SEMA3D: variants seen among roughly 807,000 people sequenced by gnomAD.
SEMA3D encodes semaphorin-3D.
SEMA3D carries 84 observed loss-of-function variants against 100.1 expected under a neutral mutation model. The ratio of observed to expected loss-of-function variants is 0.84; its 90% CI spans 0.70 to 1.01. The LOEUF is 1.01. Ranked by LOEUF, SEMA3D falls within the 50% of genes least tolerant of loss-of-function variation. The pLI is 0.00. For missense variants in SEMA3D, 875 were observed against 934.1 expected (o/e 0.94, Z 0.82); for synonymous variants, 312 against 320.7 (o/e 0.97, Z 0.29).
At chr7:85,159,786 T>C in intron 1 of SEMA3D, 20 of 966,562 alleles carry the variant, frequency 2.1e-5, no homozygotes, top group Non-Finnish European at 2.3e-5. Flanking sequence ...GCTATTCACT[T>C]TGACAGCAGG....
At chr7:85,079,380 AC>A (rs1399238839) in intron 5 of SEMA3D, among the ~76,000 whole-genome samples, 1 of 152,176 alleles carries the variant, frequency 6.6e-6, no homozygotes, top group African/African-American at 2.4e-5. Flanking sequence ...ACATCAAACT[AC>A]AGACTTCAGC....
chr7:85,065,959 A>G (rs1377695099), intron 7 of SEMA3D, among the ~76,000 whole-genome samples: 1 of 152,226 alleles, frequency 6.6e-6, no homozygotes, highest in Non-Finnish European at 1.5e-5. Context: ...TTGTGTGATT[A>G]GTATTTACTT....
chr7:85,005,317 C>G (rs1789764799), intron 18 of SEMA3D, among the ~76,000 whole-genome samples: 2 of 151,974 alleles, frequency 1.3e-5, no homozygotes, highest in South Asian at 4.2e-4. Flanking sequence ...ATAATCATTT[C>G]TGTATCAAAT....
At chr7:85,052,839 TAAAC>T (rs1017507001) in intron 9 of SEMA3D, among the ~76,000 whole-genome samples, 2 of 151,698 alleles carry the variant, frequency 1.3e-5, no homozygotes, top group Non-Finnish European at 2.9e-5. Flanking sequence ...AATAAAATAA[TAAAC>T]AAAAGAGTTA....
intron 1 of SEMA3D, among the ~76,000 whole-genome samples, chr7:85,183,792 C>T (rs559621360): frequency 6.6e-6 from 1 of 152,160 alleles, no homozygotes; most frequent in Non-Finnish European, 1.5e-5. Flanking sequence ...TTTTTCTTAA[C>T]CTCCCATCTC....
At chr7:85,227,253 C>G in the SEMA3D span, among the ~76,000 whole-genome samples, 64 of 152,242 alleles carry the variant, frequency 4.2e-4, no homozygotes, top group Non-Finnish European at 7.1e-4. Context: ...TGTAAACCTA[C>G]ATGATGCCAT....
chr7:85,225,620 T>C, the SEMA3D span, among the ~76,000 whole-genome samples: 5 of 152,186 alleles, frequency 3.3e-5, no homozygotes, highest in Non-Finnish European at 4.4e-5. Context: ...CCTATCTTAA[T>C]TGACAGAAAA....
At chr7:85,023,503 C>G (rs1281892361) in intron 12 of SEMA3D, among the ~76,000 whole-genome samples, 1 of 151,732 alleles carries the variant, frequency 6.6e-6, no homozygotes, top group African/African-American at 2.4e-5. Flanking sequence ...CTAATGCATT[C>G]TTTTGGAGAG....
At chr7:85,211,544 A>C in the SEMA3D span, among the ~76,000 whole-genome samples, 1 of 152,142 alleles carries the variant, frequency 6.6e-6, no homozygotes, top group South Asian at 2.1e-4. Context: ...CTATAGCAAA[A>C]TGCAAACTAA....
the SEMA3D span, among the ~76,000 whole-genome samples, chr7:85,203,125 T>C: frequency 1.3e-5 from 2 of 152,154 alleles, no homozygotes; most frequent in Non-Finnish European, 2.9e-5. Flanking sequence ...TTCTCAAAAA[T>C]ATGGGATTAA....
chr7:85,129,856 T>G (rs1249038662), intron 2 of SEMA3D, among the ~76,000 whole-genome samples: 1 of 152,112 alleles, frequency 6.6e-6, no homozygotes, highest in Non-Finnish European at 1.5e-5. Flanking sequence ...CTAAAAAAAC[T>G]GCACGTAGCA....
At chr7:85,070,170 A>G (rs898100364) in intron 6 of SEMA3D, among the ~76,000 whole-genome samples, 2 of 152,216 alleles carry the variant, frequency 1.3e-5, no homozygotes, top group African/African-American at 4.8e-5. Flanking sequence ...TCTGTCCTCA[A>G]CTTACTATTA....
rs574106596 is a variant in SEMA3D, at chr7:85,129,098, C to A, written c.-40-7167G>T. On this transcript the variant is annotated intron_variant, in intron 2 of 18. Coordinates refer to ENST00000284136, the MANE Select transcript of SEMA3D (RefSeq NM_001384900.1). ...ATAGGGTCTCACTATTTTGACCAGG[C>A]TGGTCTGCTCTTGAACTCCTGGCCT... 2.6e-5 allele frequency among the ~76,000 whole-genome samples: 4 copies of A among 151,832 alleles called. No individual in the cohort carries two copies. The South Asian group carries it at 8.3e-4, about 32-fold the overall frequency.
the SEMA3D span, among the ~76,000 whole-genome samples, chr7:85,202,989 T>C: frequency 6.6e-6 from 1 of 152,170 alleles, no homozygotes; most frequent in African/African-American, 2.4e-5. Flanking sequence ...AACGTTTTCA[T>C]AGTAACAGGA....
intron 9 of SEMA3D, among the ~76,000 whole-genome samples, chr7:85,054,710 T>C (rs1791259688): frequency 6.6e-6 from 1 of 152,086 alleles, no homozygotes; most frequent in African/African-American, 2.4e-5. Flanking sequence ...AAAAACGTGA[T>C]AGGTTCAGAT....
chr7:85,027,067 T>C (rs1252813284), intron 12 of SEMA3D, among the ~76,000 whole-genome samples: 1 of 152,070 alleles, frequency 6.6e-6, no homozygotes, highest in Non-Finnish European at 1.5e-5. Flanking sequence ...CAAGATTTAC[T>C]TCTGTAAAGC....
intron 12 of SEMA3D, among the ~76,000 whole-genome samples, chr7:85,035,686 A>G (rs1297721995): frequency 6.6e-6 from 1 of 152,080 alleles, no homozygotes; most frequent in Non-Finnish European, 1.5e-5. Flanking sequence ...TATACTCAAC[A>G]ATAATGGATG....
At chr7:85,158,569 G>T (rs1583977172) in intron 1 of SEMA3D, among the ~76,000 whole-genome samples, 1 of 152,076 alleles carries the variant, frequency 6.6e-6, no homozygotes, top group South Asian at 2.1e-4. Flanking sequence ...TTTTGCCCTG[G>T]TCCTGTGGTC....
intron 1 of SEMA3D, among the ~76,000 whole-genome samples, chr7:85,168,301 C>A (rs943074436): frequency 6.6e-6 from 1 of 151,840 alleles, no homozygotes; most frequent in East Asian, 1.9e-4. Context: ...CTAGTCAGAA[C>A]AAGTTTTCCA....
Sources: allele counts gnomAD v4.1 joint callset (sites outside exome capture counted in the v4.1 genomes callset), GRCh38; gene constraint gnomAD v4.1.1; transcripts MANE v1.5; gene names NCBI Gene and HGNC (gene_info 2026-07-23, HGNC 2026-07-21).